LY75: variants seen among roughly 807,000 people sequenced by gnomAD.
The protein encoded by LY75 is lymphocyte antigen 75.
LY75 carries 185 observed loss-of-function variants against 231.7 expected under a neutral mutation model. That is an observed-to-expected ratio of 0.80 (90% confidence interval 0.71 to 0.90). The LOEUF is 0.90. Among genes scored for constraint, LY75 ranks in the 40% least tolerant of loss-of-function variants. The pLI, the probability that LY75 is intolerant of heterozygous loss-of-function variation, is 0.00. For synonymous variants in LY75, 668 were observed against 689.0 expected (o/e 0.97, Z 0.48); for missense variants, 1,947 against 2,050.2 (o/e 0.95, Z 0.97).
intron 11 of LY75, among the ~76,000 whole-genome samples, chr2:159,876,304 C>T (rs1685265542): frequency 6.6e-6 from 1 of 152,152 alleles, no homozygotes; most frequent in South Asian, 2.1e-4. Context: ...CCAGATTTGT[C>T]TGACAAAACA....
At chr2:159,833,438 AG>A (rs1425547462) in intron 27 of LY75, among the ~76,000 whole-genome samples, 1 of 152,184 alleles carries the variant, frequency 6.6e-6, no homozygotes, top group Non-Finnish European at 1.5e-5. Flanking sequence ...CTTTTAAAGG[AG>A]AACCTGCCTT....
chr2:159,824,382 T>A (rs1164338821), intron 28 of LY75, among the ~76,000 whole-genome samples: 2 of 152,136 alleles, frequency 1.3e-5, no homozygotes, highest in African/African-American at 4.8e-5. Context: ...GGCCATTACA[T>A]AATGGTAGAG....
intron 28 of LY75, 135 bp downstream of exon 28, chr2:159,831,535 T>C: frequency 1.1e-6 from 1 of 932,408 alleles, no homozygotes; most frequent in Non-Finnish European, 1.6e-6. Context: ...TCTTGGTATT[T>C]ATGTAAGTTA....
At chr2:159,812,588 G>A (rs779802870) in intron 31 of LY75, among the ~76,000 whole-genome samples, 8 of 151,948 alleles carry the variant, frequency 5.3e-5, no homozygotes, top group Admixed American at 6.6e-5. Flanking sequence ...ATTTTTACAC[G>A]TTTTTGTAGA....
chr2:159,823,152 A>G (rs1560067028), intron 28 of LY75, among the ~76,000 whole-genome samples: 1 of 152,210 alleles, frequency 6.6e-6, no homozygotes, highest in Non-Finnish European at 1.5e-5. Flanking sequence ...AACTGCTCCG[A>G]GCTAAAGGAG....
At chr2:159,888,004 G>A (rs1685645308) in intron 4 of LY75, among the ~76,000 whole-genome samples, 1 of 152,084 alleles carries the variant, frequency 6.6e-6, no homozygotes, top group South Asian at 2.1e-4. Context: ...AGTGAGGTCT[G>A]GAATAGAACT....
intron 29 of LY75, among the ~76,000 whole-genome samples, chr2:159,817,978 G>A (rs937302701): frequency 6.6e-6 from 1 of 152,140 alleles, no homozygotes; most frequent in African/African-American, 2.4e-5. Flanking sequence ...GAACCCAGGA[G>A]GCAGAGGTTG....
At chr2:159,849,781 T>C (rs990572492) in intron 23 of LY75, among the ~76,000 whole-genome samples, 199 bp downstream of exon 23, 1 of 152,140 alleles carries the variant, frequency 6.6e-6, no homozygotes, top group Non-Finnish European at 1.5e-5. Context: ...AACTCCATAC[T>C]CTTTAGGCAC....
chr2:159,904,669 C>A lies in LY75; in HGVS notation c.14G>T (p.Trp5Leu). 6.8e-7 allele frequency: 1 copy of A among 1,475,064 alleles called. No homozygotes were observed. Among genetic ancestry groups the A allele is most frequent in the Non-Finnish European group, 9.0e-7 (1 of 1,116,430 alleles). 91.4% of individuals were successfully genotyped at this position (1,475,064 alleles called of 1,614,324 possible). Reference protein sequence around the residue: MRTGWATPRRPAGLL... With the variant: MRTGLATPRRPAGLL... ...CCCCGCCGGGCGGCGAGGGGTCGCC[C>A]AGCCTGTCCTCATCCTGAGCTGGCG... Residue 5 changes from tryptophan (W) to leucine (L), a missense_variant, in exon 1 of 35, where the codon TGG becomes TTG. Physicochemically the swap from Trp to Leu is moderately conservative, Grantham distance 61. Coordinates refer to ENST00000263636, the MANE Select transcript of LY75 (RefSeq NM_002349.4).
rs1158890363 is a variant in LY75, at chr2:159,879,714, CA to C, written c.1405-346del. ...GTCTTCTAGACTAGAATGGCATAGC[CA>C]AAGTTTGAAACTTTTAGGTACATCA... On this transcript the variant is annotated intron_variant, in intron 8 of 34. Coordinates refer to ENST00000263636, the MANE Select transcript of LY75 (RefSeq NM_002349.4). Among the ~76,000 whole-genome samples the C allele has an allele frequency of 2.0e-5, 3 of 152,074 alleles. No individual in the cohort carries two copies. In the East Asian group the frequency reaches 5.8e-4, roughly 29 times the overall value.
At chr2:159,892,268 C>T (rs1401011229) in intron 3 of LY75, among the ~76,000 whole-genome samples, 1 of 152,202 alleles carries the variant, frequency 6.6e-6, no homozygotes, top group African/African-American at 2.4e-5. Flanking sequence ...GCTCACATTC[C>T]CGAAGGAGGG....
intron 23 of LY75, among the ~76,000 whole-genome samples, chr2:159,845,199 A>G (rs1684165609): frequency 6.6e-6 from 1 of 152,224 alleles, no homozygotes; most frequent in South Asian, 2.1e-4. Context: ...ATTAATAGAA[A>G]GATGTCAATT....
intron 23 of LY75, among the ~76,000 whole-genome samples, chr2:159,847,400 TGGCTCACTACA>T (rs1684236550): frequency 6.6e-6 from 1 of 152,134 alleles, no homozygotes; most frequent in Non-Finnish European, 1.5e-5. Context: ...GTTGCAATCA[TGGCTCACTACA>T]GACTTGAACC....
chr2:159,904,686 G>A lies in LY75; in HGVS notation c.-4C>T. 1 of 1,436,672 alleles carries A rather than the reference G, an allele frequency of 7.0e-7. No individual in the cohort carries two copies. Among genetic ancestry groups the A allele is most frequent in the Non-Finnish European group, 9.1e-7 (1 of 1,101,376 alleles). The allele number at this position is 1,436,672 out of a possible 1,614,324, so 89.0% of individuals were successfully genotyped here. On this transcript the variant is annotated 5_prime_UTR_variant, in exon 1 of 35. Transcript: ENST00000263636. ...GGGTCGCCCAGCCTGTCCTCATCCT[G>A]AGCTGGCGCAAGCCTTCCGGCCGGG... is the stretch of plus-strand genomic sequence containing the variant.
At chr2:159,879,014 G>A (rs1685357591) in intron 9 of LY75, among the ~76,000 whole-genome samples, 1 of 152,108 alleles carries the variant, frequency 6.6e-6, no homozygotes, top group South Asian at 2.1e-4. Flanking sequence ...ATTAGTGGGG[G>A]AAGTAAAGAC....
intron 15 of LY75, among the ~76,000 whole-genome samples, 180 bp from the exon 16 acceptor site, chr2:159,858,656 CA>C (rs1471194183): frequency 1.3e-5 from 2 of 152,196 alleles, no homozygotes; most frequent in African/African-American, 4.8e-5. Flanking sequence ...CAAGAGCCCT[CA>C]AAGGGGCTAA....
intron 12 of LY75, 144 bp downstream of exon 12, chr2:159,875,300 A>G (rs1685231456): frequency 8.6e-7 from 1 of 1,161,444 alleles, no homozygotes; most frequent in South Asian, 1.7e-5. Context: ...AGGTTCAGCG[A>G]TGCCCTGCCA....
At chr2:159,830,387 A>G (rs1471045655) in intron 28 of LY75, among the ~76,000 whole-genome samples, 1 of 152,100 alleles carries the variant, frequency 6.6e-6, no homozygotes, top group African/African-American at 2.4e-5. Context: ...GGTTTTCCTA[A>G]TTCCAAAATG....
At chr2:159,904,557 GC>G in intron 1 of LY75, 31 bp downstream of exon 1, 1 of 1,502,178 alleles carries the variant, frequency 6.7e-7, no homozygotes, top group East Asian at 2.9e-5. Flanking sequence ...GAGGCACCCA[GC>G]GGACTGCGGG....
Sources: gnomAD v4.1 joint callset for allele counts (sites outside exome capture counted in the v4.1 genomes callset) on GRCh38, gnomAD v4.1.1 for gene constraint, MANE v1.5 for transcripts, NCBI Gene and HGNC (gene_info 2026-07-23, HGNC 2026-07-21) for gene names.